MBOAT2: variants seen among roughly 807,000 people sequenced by gnomAD.
The protein encoded by MBOAT2 is membrane bound glycerophospholipid O-acyltransferase 2.
MBOAT2 carries 28 observed loss-of-function variants against 63.4 expected under a neutral mutation model. The ratio of observed to expected loss-of-function variants is 0.44; its 90% CI spans 0.33 to 0.61. MBOAT2 has a LOEUF of 0.61. MBOAT2 is among the 20% of genes least tolerant of loss of function. The pLI is 0.03. For synonymous variants in MBOAT2, 211 were observed against 215.6 expected, an observed-to-expected ratio of 0.98 and a Z score of 0.19; for missense variants, 470 against 605.8, an observed-to-expected ratio of 0.78 and a Z score of 2.35.
rs1269285235 is a variant in MBOAT2, at chr2:8,857,913, CCT to C, written c.*764_*765del. The C allele has an allele frequency of 7.2e-5, 11 of 152,444 alleles. No homozygotes were observed. In the East Asian group the frequency reaches 2.1e-3, roughly 29 times the overall value. The allele number at this position is 152,444 out of a possible 1,614,324, so 9.4% of individuals were successfully genotyped here. ...TCTTCATTCCTGCCTTCCTTCGTCA[CCT>C]CTCTCTTTTAAGAAAAAGAATAAGC... On this transcript the variant is annotated 3_prime_UTR_variant, in exon 13 of 13. Coordinates refer to ENST00000305997, the MANE Select transcript of MBOAT2 (RefSeq NM_138799.4).
At chr2:8,990,991 T>C (rs1671886528) in intron 1 of MBOAT2, among the ~76,000 whole-genome samples, 1 of 152,182 alleles carries the variant, frequency 6.6e-6, no homozygotes, top group Non-Finnish European at 1.5e-5. Flanking sequence ...TCTACCTTCA[T>C]CTTCTTGGCT....
chr2:8,988,744 C>A (rs1334070034), intron 1 of MBOAT2, among the ~76,000 whole-genome samples: 1 of 151,990 alleles, frequency 6.6e-6, no homozygotes, highest in African/African-American at 2.4e-5. Context: ...CATGAAAAAG[C>A]TCTATTTGTG....
At chr2:8,975,792 C>T (rs114383390) in intron 1 of MBOAT2, among the ~76,000 whole-genome samples, 2 of 24,054 alleles carry the variant, frequency 8.3e-5, no homozygotes, top group African/African-American at 5.5e-4. Flanking sequence ...ATTAAATGAA[C>T]AATACAAAAA....
At chr2:8,896,301 G>A (rs538571137) in intron 4 of MBOAT2, among the ~76,000 whole-genome samples, 113 of 149,988 alleles carry the variant, frequency 7.5e-4, no homozygotes, top group South Asian at 1.1e-3. Context: ...GCCTTTTCCC[G>A]TAAAGGCCGG....
intron 1 of MBOAT2, among the ~76,000 whole-genome samples, chr2:8,984,624 T>C (rs1671427114): frequency 6.6e-6 from 1 of 152,076 alleles, no homozygotes. Context: ...AAAGGGAGGA[T>C]GTACTAGTAC....
At chr2:8,874,602 T>A (rs1331653991) in intron 7 of MBOAT2, among the ~76,000 whole-genome samples, 1 of 152,180 alleles carries the variant, frequency 6.6e-6, no homozygotes, top group Non-Finnish European at 1.5e-5. Flanking sequence ...GCCTGTATCC[T>A]GAGAGGTGAT....
intron 4 of MBOAT2, among the ~76,000 whole-genome samples, chr2:8,888,346 G>A (rs1293938129): frequency 1.3e-5 from 2 of 152,204 alleles, no homozygotes; most frequent in African/African-American, 4.8e-5. Context: ...GTGACCCAGT[G>A]ATCTAACCTG....
At chr2:8,942,862 A>G (rs1243686145) in intron 3 of MBOAT2, among the ~76,000 whole-genome samples, 1 of 152,186 alleles carries the variant, frequency 6.6e-6, no homozygotes, top group Non-Finnish European at 1.5e-5. Flanking sequence ...ACATGTGAAA[A>G]TATCTGGAAA....
At chr2:8,981,396 G>A (rs1172647124) in intron 1 of MBOAT2, among the ~76,000 whole-genome samples, 1 of 152,082 alleles carries the variant, frequency 6.6e-6, no homozygotes, top group Non-Finnish European at 1.5e-5. Context: ...ATAGCTTTCA[G>A]CCATCAAATA....
At chr2:8,940,720 G>A (rs770192898) in intron 3 of MBOAT2, among the ~76,000 whole-genome samples, 1 of 152,126 alleles carries the variant, frequency 6.6e-6, no homozygotes, top group African/African-American at 2.4e-5. Context: ...GAATTTACAC[G>A]TGGGTCAATC....
chr2:8,957,483 T>C (rs1354007392), intron 2 of MBOAT2, among the ~76,000 whole-genome samples: 1 of 152,206 alleles, frequency 6.6e-6, no homozygotes, highest in East Asian at 1.9e-4. Context: ...CATGAGTTTC[T>C]AGGAAACACT....
At chr2:8,889,940 G>A (rs908767948) in intron 4 of MBOAT2, among the ~76,000 whole-genome samples, 3 of 152,200 alleles carry the variant, frequency 2.0e-5, no homozygotes, top group Admixed American at 6.5e-5. Context: ...AGTAAGCTGC[G>A]CTGGGAGGAC....
intron 1 of MBOAT2, among the ~76,000 whole-genome samples, chr2:8,994,766 C>T (rs1672153687): frequency 6.6e-6 from 1 of 152,132 alleles, no homozygotes; most frequent in South Asian, 2.1e-4. Context: ...AAGGATGGGG[C>T]AAATCTTAAA....
chr2:8,960,359 T>C (rs1447274038), intron 1 of MBOAT2, among the ~76,000 whole-genome samples: 1 of 152,110 alleles, frequency 6.6e-6, no homozygotes, highest in South Asian at 2.1e-4. Context: ...CATGCATGAG[T>C]CCCAGTCCTA....
Position 8,882,499 on chromosome 2 carries a change from A to C in MBOAT2, c.506+12T>G. 1 of 1,613,994 alleles carries C rather than the reference A, an allele frequency of 6.2e-7. No homozygotes were observed. Among genetic ancestry groups the C allele is most frequent in the Non-Finnish European group, 8.5e-7 (1 of 1,179,862 alleles). On this transcript the variant is annotated intron_variant, in intron 6 of 12. Coordinates refer to ENST00000305997, the MANE Select transcript of MBOAT2 (RefSeq NM_138799.4). ...CAGGAAGCATGGCAGAATAGGATGC[A>C]AAGGCACGTACCTTACAGCTAAATC...
chr2:8,912,335 GAA>G (rs1298677831), intron 3 of MBOAT2, among the ~76,000 whole-genome samples: 233 of 104,192 alleles, frequency 2.2e-3, no homozygotes, highest in African/African-American at 7.6e-3. Flanking sequence ...AAGAAAGAAA[GAA>G]AGAAAGAAAG....
At chr2:8,912,299 A>AAAAGAAAG (rs35633754) in intron 3 of MBOAT2, among the ~76,000 whole-genome samples, 2,816 of 46,562 alleles carry the variant, frequency 0.06, 264 homozygotes, top group East Asian at 0.1. Context: ...GAAAAGAAAG[A>AAAAGAAAG]AAAGAAAGAA....
intron 5 of MBOAT2, 148 bp downstream of exon 5, chr2:8,887,870 A>T: frequency 1.3e-6 from 1 of 750,642 alleles, no homozygotes; most frequent in Admixed American, 2.4e-5. Flanking sequence ...AGCATTTTTC[A>T]TAATCCTAAG....
At chr2:8,976,872 GAC>G (rs1373524126) in intron 1 of MBOAT2, among the ~76,000 whole-genome samples, 1 of 152,156 alleles carries the variant, frequency 6.6e-6, no homozygotes, top group Non-Finnish European at 1.5e-5. Context: ...ATGAACTATT[GAC>G]ACAGACAACA....
Sources: allele counts gnomAD v4.1 joint callset (sites outside exome capture counted in the v4.1 genomes callset), GRCh38; gene constraint gnomAD v4.1.1; transcripts MANE v1.5; gene names NCBI Gene and HGNC (gene_info 2026-07-23, HGNC 2026-07-21).